Variants in RNF19A observed in about 807,000 individuals in gnomAD.
RNF19A encodes ring finger protein 19A, RBR E3 ubiquitin protein ligase.
A neutral mutation model predicts 75.7 loss-of-function variants in RNF19A; 32 were observed. The observed-to-expected ratio is 0.42, with a 90% CI of 0.32 to 0.57. The LOEUF is 0.57. Ranked by LOEUF, RNF19A falls within the 20% of genes least tolerant of loss-of-function variation. The pLI is 0.10. For synonymous variants in RNF19A, 335 were observed against 345.2 expected (o/e 0.97, Z 0.33); for missense variants, 782 against 1,036.3 (o/e 0.75, Z 3.37).
intron 1 of RNF19A, among the ~76,000 whole-genome samples, chr8:100,326,826 T>C (rs571540596): frequency 7.9e-4 from 120 of 152,366 alleles, no homozygotes; most frequent in African/African-American, 2.9e-3. Flanking sequence ...TGACTCTCTT[T>C]GATGAAAGAA....
intron 2 of RNF19A, among the ~76,000 whole-genome samples, chr8:100,276,298 C>T (rs1263150357): frequency 6.6e-6 from 1 of 152,092 alleles, no homozygotes; most frequent in East Asian, 1.9e-4. Context: ...GGTGACTCTT[C>T]AGAGAATTAC....
At chr8:100,278,431 A>G (rs2129772667) in intron 2 of RNF19A, among the ~76,000 whole-genome samples, 1 of 152,348 alleles carries the variant, frequency 6.6e-6, no homozygotes, top group East Asian at 1.9e-4. Context: ...TGGATAACTG[A>G]GTCACTTAAG....
chr8:100,268,758 T>C (rs1033983632), intron 5 of RNF19A, 27 bp downstream of exon 5: 9 of 1,434,832 alleles, frequency 6.3e-6, no homozygotes, highest in South Asian at 1.5e-5. Flanking sequence ...AATAAGATAA[T>C]GGACTAACAA....
intron 1 of RNF19A, among the ~76,000 whole-genome samples, chr8:100,308,926 A>G (rs1345522209): frequency 6.6e-6 from 1 of 152,208 alleles, no homozygotes; most frequent in Non-Finnish European, 1.5e-5. Context: ...TCGTGTATTT[A>G]TATCTCCAAG....
rs568542641 is a variant in RNF19A, at chr8:100,309,670, C to T, written c.-94+197G>A. ...GGACCCGGAGCTGACCGAGGCCTGA[C>T]CCCCTAAGCCGGCCACGGCCCCGAG... On this transcript the variant is annotated intron_variant, in intron 1 of 9. Coordinates refer to ENST00000341084, the MANE Select transcript of RNF19A (RefSeq NM_183419.4). The T allele has an allele frequency of 2.7e-4, 253 of 930,336 alleles. 1 individual carries two copies. In the South Asian group the frequency reaches 1.0e-2, roughly 37 times the overall value. 57.6% of individuals were successfully genotyped at this position (930,336 alleles called of 1,614,324 possible).
At position 100,259,833 on chromosome 8, in the gene RNF19A, T is replaced by C. The variant is rs979959530; in HGVS notation, c.1826+21A>G. 6 of 1,592,672 alleles carry C rather than the reference T, an allele frequency of 3.8e-6. No individual in the cohort carries two copies. Among genetic ancestry groups the C allele is most frequent in the South Asian group, 2.3e-5 (2 of 88,602 alleles). ...TTTAATTTAAAAAATACTTTCAATTTTTTAACAGTTTTTTCCTTACTTGTC... is the reference window on the plus strand; with the variant it reads ...TTTAATTTAAAAAATACTTTCAATTCTTTAACAGTTTTTTCCTTACTTGTC... On this transcript the variant is annotated intron_variant, in intron 9 of 9. Coordinates refer to ENST00000341084, the MANE Select transcript of RNF19A (RefSeq NM_183419.4). This position sits in a 1 kb window ranked among gnomAD's most constrained non-coding sequence, Gnocchi z 4.5.
intron 3 of RNF19A, among the ~76,000 whole-genome samples, chr8:100,272,043 A>G (rs1820280889): frequency 6.6e-6 from 1 of 152,220 alleles, no homozygotes; most frequent in South Asian, 2.1e-4. Flanking sequence ...GTTACAAAAC[A>G]CCATGTCCTC....
intron 1 of RNF19A, among the ~76,000 whole-genome samples, chr8:100,297,800 C>A (rs564990295): frequency 2.2e-4 from 33 of 152,148 alleles, no homozygotes; most frequent in African/African-American, 8.0e-4. Flanking sequence ...ATCTTACTCA[C>A]CTTAAAGCTG....
intron 2 of RNF19A, among the ~76,000 whole-genome samples, chr8:100,279,791 T>A (rs780103897): frequency 1.6e-4 from 24 of 152,048 alleles, no homozygotes; most frequent in Admixed American, 2.6e-4. Flanking sequence ...CCTCCCAAAG[T>A]GCTGGAATTA....
chr8:100,259,025 T>G lies in RNF19A; in HGVS notation c.2048A>C (p.Asn683Thr). ...SKSGKLRKKG[N>T]MKINETREDM... is the part of the protein sequence containing the mutation. ...CTCTCTCGTCTCATTTATCTTCATG[T>G]TACCCTTTTTCCTCAGTTTACCACT... is the stretch of plus-strand genomic sequence containing the variant. The change falls in exon 10 of 10, where the codon AAC becomes ACC. Residue 683 changes from asparagine to threonine, a missense_variant. This residue lies in a region of RNF19A where 442 missense variants were observed against 541.6 expected (regional missense o/e 0.82). Transcript: ENST00000341084. This position sits in a 1 kb window ranked among gnomAD's most constrained non-coding sequence, Gnocchi z 4.5. 1 of 1,614,220 alleles carries G rather than the reference T, an allele frequency of 6.2e-7. No individual in the cohort carries two copies. Among genetic ancestry groups the G allele is most frequent in the South Asian group, 1.1e-5 (1 of 91,078 alleles).
chr8:100,290,909 G>T (rs1175016072), intron 1 of RNF19A, among the ~76,000 whole-genome samples: 1 of 152,108 alleles, frequency 6.6e-6, no homozygotes, highest in African/African-American at 2.4e-5. Flanking sequence ...CATTTCTTTG[G>T]CTCTCCGATA....
At chr8:100,271,059 A>G (rs998105138) in intron 3 of RNF19A, among the ~76,000 whole-genome samples, 6 of 151,978 alleles carry the variant, frequency 3.9e-5, no homozygotes, top group African/African-American at 1.2e-4. Context: ...GCATTAAGCT[A>G]TATTCCATTC....
At chr8:100,274,914 G>A (rs749541664) in intron 3 of RNF19A, 39 bp downstream of exon 3, 1 of 1,494,998 alleles carries the variant, frequency 6.7e-7, no homozygotes, top group Non-Finnish European at 9.2e-7. Context: ...CTAGTGTTTT[G>A]TGTCAAATAT....
intron 1 of RNF19A, among the ~76,000 whole-genome samples, chr8:100,301,320 C>T (rs1270401446): frequency 6.6e-6 from 1 of 152,174 alleles, no homozygotes; most frequent in Non-Finnish European, 1.5e-5. Context: ...TATCTTACTG[C>T]CTAGACTAGG....
At chr8:100,334,575 C>A (rs1822652131) in intron 1 of RNF19A, among the ~76,000 whole-genome samples, 1 of 152,190 alleles carries the variant, frequency 6.6e-6, no homozygotes, top group African/African-American at 2.4e-5. Flanking sequence ...GGCTGCTCAC[C>A]TTCTCCCTTT....
intron 1 of RNF19A, among the ~76,000 whole-genome samples, chr8:100,328,294 G>A (rs1045923841): frequency 6.6e-6 from 1 of 152,122 alleles, no homozygotes; most frequent in Non-Finnish European, 1.5e-5. Context: ...GAGACTCATT[G>A]AGTCAAAAGA....
rs1819656390 is a variant in RNF19A, at chr8:100,260,408, A to G, written c.1683-411T>C. Among the ~76,000 whole-genome samples, 1 of 152,146 alleles carries G rather than the reference A, an allele frequency of 6.6e-6. No homozygotes were observed. Among genetic ancestry groups the G allele is most frequent in the Non-Finnish European group, 1.5e-5 (1 of 68,008 alleles). On this transcript the variant is annotated intron_variant, in intron 8 of 9. Transcript: ENST00000341084. The surrounding 1 kb of genome is among the most constrained non-coding windows in gnomAD (Gnocchi z 4.1). ...ATCTATATTAAAAAATGACTCTATA[A>G]ATAACACCTGCCTTTTAATACTTTA... is the stretch of plus-strand genomic sequence containing the variant.
Position 100,258,606 on chromosome 8 carries a change from G to C in RNF19A, c.2467C>G (p.His823Asp). ...GDALKETNNN[H>D]SHQTMELKVA... Reference sequence around the variant, plus strand: ...TTTAATTCCATTGTCTGATGTGAGTGGTTGTTATTTGTTTCTTTTAGTGCA... The same window carrying C: ...TTTAATTCCATTGTCTGATGTGAGTCGTTGTTATTTGTTTCTTTTAGTGCA... The change falls in exon 10 of 10, where the codon CAC becomes GAC. Residue 823 changes from histidine to aspartate, a missense_variant. His to Asp is a moderately conservative substitution (Grantham distance 81, BLOSUM62 -1). Coordinates refer to ENST00000341084, the MANE Select transcript of RNF19A (RefSeq NM_183419.4). This position sits in a 1 kb window ranked among gnomAD's most constrained non-coding sequence, Gnocchi z 4.3. 1 of 1,613,766 alleles carries C rather than the reference G, an allele frequency of 6.2e-7. No individual in the cohort carries two copies. The highest frequency in any genetic ancestry group is 8.5e-7 in the Non-Finnish European group (1 of 1,179,896).
chr8:100,280,533 A>G (rs1285851256), intron 2 of RNF19A, among the ~76,000 whole-genome samples: 1 of 152,228 alleles, frequency 6.6e-6, no homozygotes, highest in Non-Finnish European at 1.5e-5. Flanking sequence ...TCCTACCCCT[A>G]GAACTAAACA....
Sources: allele counts gnomAD v4.1 joint callset (sites outside exome capture counted in the v4.1 genomes callset), GRCh38; gene constraint gnomAD v4.1.1; regional missense constraint gnomAD v4.1.1; non-coding constraint Gnocchi (gnomAD v3.1); transcripts MANE v1.5; gene names NCBI Gene and HGNC (gene_info 2026-07-23, HGNC 2026-07-21).